Variants in SND1 observed in about 807,000 individuals in gnomAD.
SND1 encodes staphylococcal nuclease domain-containing protein 1.
Under a neutral mutation model 121.7 loss-of-function variants are expected in SND1, and 38 were observed. The ratio of observed to expected loss-of-function variants is 0.31; its 90% confidence interval spans 0.24 to 0.41. SND1 has a LOEUF of 0.41. SND1 is among the 10% of genes least tolerant of loss of function. The probability of loss-of-function intolerance (pLI) is 1.00; values close to 1 mark genes in which losing one functional copy is unlikely to be tolerated. For synonymous variants in SND1, 401 were observed against 447.4 expected (o/e 0.90, Z 1.31); for missense variants, 868 against 1,184.6 (o/e 0.73, Z 3.92).
At chr7:127,723,882 T>C (rs1796538930) in intron 10 of SND1, among the ~76,000 whole-genome samples, 1 of 152,232 alleles carries the variant, frequency 6.6e-6, no homozygotes, top group Non-Finnish European at 1.5e-5. Context: ...ATTTCAACAT[T>C]TAATGAATAT....
intron 10 of SND1, among the ~76,000 whole-genome samples, chr7:127,766,514 G>T (rs1285580720): frequency 2.0e-5 from 3 of 152,086 alleles, no homozygotes; most frequent in Non-Finnish European, 4.4e-5. Context: ...GATGGCTCAT[G>T]CCTTTAATCC....
intron 10 of SND1, among the ~76,000 whole-genome samples, chr7:127,797,178 C>T (rs1798043993): frequency 2.0e-5 from 3 of 152,138 alleles, no homozygotes; most frequent in Non-Finnish European, 2.9e-5. Flanking sequence ...CAGGTGTGAG[C>T]CGCTGTGCCC....
chr7:127,738,286 CTT>C (rs889082580), intron 10 of SND1, among the ~76,000 whole-genome samples: 3 of 122,640 alleles, frequency 2.4e-5, no homozygotes, highest in Admixed American at 8.6e-5. Flanking sequence ...TTTTTTTTTT[CTT>C]TTTTTTTTTT....
intron 12 of SND1, among the ~76,000 whole-genome samples, chr7:127,872,403 A>G (rs1193961203): frequency 6.6e-6 from 1 of 152,162 alleles, no homozygotes; most frequent in Non-Finnish European, 1.5e-5. Context: ...GTACTGAAGA[A>G]TAAATACCAA....
intron 11 of SND1, among the ~76,000 whole-genome samples, chr7:127,832,150 T>C (rs1584605173): frequency 6.6e-6 from 1 of 152,260 alleles, no homozygotes. Flanking sequence ...TGCCAACTTA[T>C]AACTCATGAG....
chr7:127,715,412 G>A (rs1228761635), intron 9 of SND1, among the ~76,000 whole-genome samples: 1 of 152,106 alleles, frequency 6.6e-6, no homozygotes, highest in Non-Finnish European at 1.5e-5. Context: ...GAATGATCCA[G>A]TCACCCAGGT....
intron 12 of SND1, among the ~76,000 whole-genome samples, chr7:127,878,531 AC>A (rs1426901629): frequency 5.9e-5 from 9 of 151,972 alleles, no homozygotes; most frequent in African/African-American, 1.4e-4. Context: ...GCTCTTGACA[AC>A]CCTTGGTTTT....
chr7:127,959,449 G>C (rs1206953861), intron 15 of SND1, among the ~76,000 whole-genome samples: 1 of 152,164 alleles, frequency 6.6e-6, no homozygotes, highest in East Asian at 1.9e-4. Context: ...TGGCCTGGAA[G>C]TGTGGCCTGT....
chr7:128,040,738 G>C (rs1003930195), intron 16 of SND1, among the ~76,000 whole-genome samples: 2 of 152,134 alleles, frequency 1.3e-5, no homozygotes, highest in African/African-American at 4.8e-5. Flanking sequence ...GTTTCTTCTT[G>C]TATCTCTTCC....
intron 6 of SND1, 27 bp from the exon 7 acceptor site, chr7:127,703,138 T>C: frequency 6.2e-7 from 1 of 1,613,900 alleles, no homozygotes; most frequent in Non-Finnish European, 8.5e-7. Context: ...TAGGCTGCAT[T>C]ACTCACCTAC....
chr7:127,766,997 T>A (rs1797434392), intron 10 of SND1, among the ~76,000 whole-genome samples: 1 of 151,986 alleles, frequency 6.6e-6, no homozygotes, highest in African/African-American at 2.4e-5. Context: ...ATACAGCTCA[T>A]GGCAATAACA....
intron 15 of SND1, among the ~76,000 whole-genome samples, chr7:127,948,214 C>T (rs181983169): frequency 2.0e-5 from 3 of 152,262 alleles, no homozygotes; most frequent in Non-Finnish European, 2.9e-5. Flanking sequence ...GGTATCTGCC[C>T]CCACTTCTCT....
chr7:127,766,352 A>G (rs1797408965), intron 10 of SND1, among the ~76,000 whole-genome samples: 3 of 152,254 alleles, frequency 2.0e-5, no homozygotes, highest in Non-Finnish European at 4.4e-5. Context: ...GACAATGCCA[A>G]AGGTGGCACT....
chr7:127,949,883 A>G (rs1049094742), intron 15 of SND1, among the ~76,000 whole-genome samples: 12 of 152,296 alleles, frequency 7.9e-5, no homozygotes, highest in African/African-American at 2.9e-4. Flanking sequence ...TTGGTGAGCC[A>G]GGCTTTATGC....
In SND1 at chr7:128,085,566, T is replaced by A; in HGVS notation, c.2235-145T>A. ...TGACCACAGTGGCCGAGGCTGGGCC[T>A]AGATGGAGTGCAGTTACTGTCCCCT... On this transcript the variant is annotated intron_variant, in intron 19 of 23. Coordinates refer to ENST00000354725, the MANE Select transcript of SND1 (RefSeq NM_014390.4). This position sits in a 1 kb window ranked among gnomAD's most constrained non-coding sequence, Gnocchi z 4.4. The A allele has an allele frequency of 1.4e-6, 1 of 707,474 alleles. No individual in the cohort carries two copies. Among genetic ancestry groups the A allele is most frequent in the Non-Finnish European group, 2.5e-6 (1 of 399,900 alleles). 43.8% of individuals were successfully genotyped at this position (707,474 alleles called of 1,614,324 possible).
At chr7:127,683,945 A>G (rs190864462) in intron 1 of SND1, among the ~76,000 whole-genome samples, 1 of 152,250 alleles carries the variant, frequency 6.6e-6, no homozygotes, top group Admixed American at 6.5e-5. Context: ...AGGAGAGGGC[A>G]TACAAAGGAG....
intron 10 of SND1, among the ~76,000 whole-genome samples, chr7:127,752,432 C>T (rs552344346): frequency 6.6e-6 from 1 of 152,306 alleles, no homozygotes; most frequent in Admixed American, 6.5e-5. Context: ...CACTTTTCTT[C>T]GGAGACCCAG....
intron 14 of SND1, among the ~76,000 whole-genome samples, chr7:127,920,481 A>G (rs1415371532): frequency 2.0e-5 from 3 of 152,174 alleles, no homozygotes; most frequent in Admixed American, 6.5e-5. Flanking sequence ...GATACTATAA[A>G]CACTGAGTAT....
At chr7:127,985,837 T>C (rs1346620137) in intron 15 of SND1, among the ~76,000 whole-genome samples, 1 of 152,260 alleles carries the variant, frequency 6.6e-6, no homozygotes, top group Admixed American at 6.5e-5. Flanking sequence ...AGGCAGGTTC[T>C]GCATGCCTCC....
Sources: gnomAD v4.1 joint callset for allele counts (sites outside exome capture counted in the v4.1 genomes callset) on GRCh38, gnomAD v4.1.1 for gene constraint, Gnocchi (gnomAD v3.1) non-coding constraint, MANE v1.5 for transcripts, NCBI Gene and HGNC (gene_info 2026-07-23, HGNC 2026-07-21) for gene names.